Variants in ADAM12 observed in about 807,000 individuals in gnomAD.
ADAM12 encodes ADAM metallopeptidase domain 12, also known as disintegrin and metalloproteinase domain-containing protein 12.
A neutral mutation model predicts 106.4 loss-of-function variants in ADAM12; 70 were observed. That is an observed-to-expected ratio of 0.66 (90% CI 0.54 to 0.80). The LOEUF is 0.80. ADAM12 is among the 30% of genes least tolerant of loss of function. ADAM12 has a pLI of 0.00. For missense variants in ADAM12, 1,010 were observed against 1,171.9 expected (o/e 0.86, Z 2.02); for synonymous variants, 420 against 433.5 (o/e 0.97, Z 0.39).
chr10:126,269,977 C>A (rs1959167983), intron 3 of ADAM12, among the ~76,000 whole-genome samples: 1 of 152,148 alleles, frequency 6.6e-6, no homozygotes, highest in South Asian at 2.1e-4. Context: ...GTCTATACAA[C>A]TTCAAAGAAT....
intron 4 of ADAM12, among the ~76,000 whole-genome samples, chr10:126,151,614 C>A (rs1956729624): frequency 6.6e-6 from 1 of 151,956 alleles, no homozygotes; most frequent in South Asian, 2.1e-4. Context: ...CCACACCCTC[C>A]TTTAAAAAAA....
At chr10:126,139,906 CTT>C (rs761476151) in intron 4 of ADAM12, among the ~76,000 whole-genome samples, 14 of 151,528 alleles carry the variant, frequency 9.2e-5, no homozygotes, top group Non-Finnish European at 2.1e-4. Flanking sequence ...TAGATTAACT[CTT>C]AGTTGGGTAT....
intron 3 of ADAM12, among the ~76,000 whole-genome samples, chr10:126,229,014 T>C (rs1248277502): frequency 6.6e-6 from 1 of 152,176 alleles, no homozygotes; most frequent in Non-Finnish European, 1.5e-5. Context: ...CTTTTTGTGG[T>C]TCCCCTGTTT....
At chr10:126,296,884 G>A (rs1449168053) in intron 2 of ADAM12, among the ~76,000 whole-genome samples, 1 of 152,180 alleles carries the variant, frequency 6.6e-6, no homozygotes, top group Non-Finnish European at 1.5e-5. Context: ...CTTATTCTGT[G>A]AATTTTGACA....
chr10:126,363,365 T>C (rs1184503196), intron 1 of ADAM12, among the ~76,000 whole-genome samples: 1 of 152,154 alleles, frequency 6.6e-6, no homozygotes, highest in Non-Finnish European at 1.5e-5. Context: ...CATATAATTT[T>C]TACTGTCCCA....
Position 126,036,162 on chromosome 10 carries a change from G to T in ADAM12, c.2513C>A (p.Ala838Glu). ...VPARPLPAKP[A>E]LRQAQGTCKP... is the part of the protein sequence containing the mutation. ...AAAGCATACCTGGGCCTGCCTAAGT[G>T]CAGGCTTGGCTGGCAGGGGTCTGGC... Residue 838 changes from alanine (A) to glutamate (E), a missense_variant, in exon 21 of 23, where the codon GCA (alanine) becomes GAA (glutamate). Ala to Glu is a moderately radical substitution (Grantham distance 107). Coordinates refer to ENST00000448723, the MANE Select transcript of ADAM12 (RefSeq NM_001288973.2). The T allele has an allele frequency of 6.7e-7, 1 of 1,488,704 alleles. No individual in the cohort carries two copies. The allele number at this position is 1,488,704 out of a possible 1,614,324, so 92.2% of individuals were successfully genotyped here.
chr10:126,084,717 A>T (rs1955302532), intron 11 of ADAM12, among the ~76,000 whole-genome samples: 1 of 152,218 alleles, frequency 6.6e-6, no homozygotes, highest in South Asian at 2.1e-4. Flanking sequence ...AGTTACCACC[A>T]GGGCAATGTG....
chr10:126,364,960 G>A (rs549490548), intron 1 of ADAM12, among the ~76,000 whole-genome samples: 1 of 152,120 alleles, frequency 6.6e-6, no homozygotes, highest in African/African-American at 2.4e-5. Context: ...GAGTTTGAAA[G>A]GAGGAACTTA....
At chr10:126,121,131 C>CTATATATATATA (rs1554971961) in intron 5 of ADAM12, among the ~76,000 whole-genome samples, 1 of 81,384 alleles carries the variant, frequency 1.2e-5, no homozygotes, top group East Asian at 4.0e-4. Context: ...AGTATATATA[C>CTATATATATATA]TATATACTAT....
rs74946337 is a variant in ADAM12 at position 126,133,736 on chromosome 10, C to T, written c.416+1848G>A. On this transcript the variant is annotated intron_variant, in intron 5 of 22. Coordinates refer to ENST00000448723, the MANE Select transcript of ADAM12 (RefSeq NM_001288973.2). ...CCACTTCCCTTCTGACCTCATTTCT[C>T]TCTACTGCCTCCCTGTCCCTGTCCA... Among the ~76,000 whole-genome samples, 223 of 152,328 alleles carry T rather than the reference C, an allele frequency of 1.5e-3. 4 individuals carry two copies. In the East Asian group the frequency reaches 0.038, roughly 26 times the overall value.
rs577509982 is a variant in ADAM12, at chr10:126,135,948, C to G, written c.340-288G>C. Among the ~76,000 whole-genome samples, 12 of 152,336 alleles carry G rather than the reference C, an allele frequency of 7.9e-5. No homozygotes were observed. In the South Asian group the frequency reaches 2.3e-3, roughly 29 times the overall value. On this transcript the variant is annotated intron_variant, in intron 4 of 22. Transcript: ENST00000448723. ...CCTGATACAGAACGTTTTACAAAATCCAGCAGCAAAACAAATCACATTGAC... is the reference window on the plus strand; with the variant it reads ...CCTGATACAGAACGTTTTACAAAATGCAGCAGCAAAACAAATCACATTGAC...
chr10:126,113,687 A>AATAT lies in ADAM12; in HGVS notation c.604-3851_604-3848dup, dbSNP rs71309278. ...AAAAAAAAAAAAAAAAAAAAAAAAA[A>AATAT]ATATATATATATATATATATATATA... On this transcript the variant is annotated intron_variant, in intron 6 of 22. Transcript: ENST00000448723. 7.6e-3 allele frequency among the ~76,000 whole-genome samples: 183 copies of AATAT among 24,032 alleles called. 2 individuals are homozygous for AATAT. The highest frequency in any genetic ancestry group is 9.0e-3 in the Non-Finnish European group (139 of 15,382). The allele number at this position is 24,032 out of a possible 152,430, so 15.8% of individuals were successfully genotyped here.
At chr10:126,336,797 C>T (rs142842836) in intron 1 of ADAM12, among the ~76,000 whole-genome samples, 31 of 152,280 alleles carry the variant, frequency 2.0e-4, no homozygotes, top group African/African-American at 6.5e-4. Context: ...GTAGCTACCA[C>T]GCTGGCAGGC....
In ADAM12 at chr10:126,014,321, T is replaced by TTTG. The variant is rs1489371770; in HGVS notation, c.*2957_*2958insCAA. 1 of 144,978 alleles carries TTTG rather than the reference T, an allele frequency of 6.9e-6. No individual in the cohort carries two copies. Among genetic ancestry groups the TTTG allele is most frequent in the African/African-American group, 2.5e-5 (1 of 39,456 alleles). 9.0% of individuals were successfully genotyped at this position (144,978 alleles called of 1,614,324 possible). A position where few individuals can be genotyped will look rare whatever the true frequency, so the allele number is the denominator to read the frequency against. ...TGACACAGTTTTAGCCGGTTTTTTT[T>TTTG]TTTTTTTTTTTTTTTTGAGGATGCA... On this transcript the variant is annotated 3_prime_UTR_variant, in exon 23 of 23. Coordinates refer to ENST00000448723, the MANE Select transcript of ADAM12 (RefSeq NM_001288973.2).
At position 126,066,756 on chromosome 10, in the gene ADAM12, G is replaced by A. The variant is rs138673204; in HGVS notation, c.1374C>T (p.Asp458=). The part of the protein sequence containing the change: ...CNATTCTLKP[D]AVCAHGLCCE... ...AGCACAGCCCATGTGCGCACACAGC[G>A]TCCGGCTTCAGGGTACAGGTGGTGG... Residue 458 remains aspartate (D), a synonymous_variant, in exon 13 of 23, where the codon GAC becomes GAT. Transcript: ENST00000448723. This position sits in a 1 kb window ranked among gnomAD's most constrained non-coding sequence, Gnocchi z 5.1. 245 of 1,614,188 alleles carry A rather than the reference G, an allele frequency of 1.5e-4. 1 individual carries two copies. In the African/African-American group the frequency reaches 1.7e-3, roughly 11 times the overall value.
intron 3 of ADAM12, among the ~76,000 whole-genome samples, chr10:126,196,315 T>C (rs1416194002): frequency 6.6e-6 from 1 of 152,210 alleles, no homozygotes; most frequent in Non-Finnish European, 1.5e-5. Flanking sequence ...TTTCATTGCC[T>C]GGAAGAACAT....
intron 3 of ADAM12, among the ~76,000 whole-genome samples, chr10:126,231,369 A>C (rs2133623677): frequency 6.6e-6 from 1 of 150,700 alleles, no homozygotes; most frequent in East Asian, 2.0e-4. Context: ...GAAATAAGGC[A>C]ACAGAAATAG....
intron 3 of ADAM12, among the ~76,000 whole-genome samples, chr10:126,158,336 A>G (rs1956859309): frequency 6.9e-6 from 1 of 144,798 alleles, no homozygotes; most frequent in Non-Finnish European, 1.5e-5. Flanking sequence ...CATGGAGGGG[A>G]GGATGCACAG....
intron 3 of ADAM12, among the ~76,000 whole-genome samples, chr10:126,164,595 A>G (rs1956992829): frequency 6.6e-6 from 1 of 152,248 alleles, no homozygotes; most frequent in Admixed American, 6.5e-5. Flanking sequence ...CATAATTAAA[A>G]ATCATGATCA....
Sources: allele counts gnomAD v4.1 joint callset (sites outside exome capture counted in the v4.1 genomes callset), GRCh38; gene constraint gnomAD v4.1.1; non-coding constraint Gnocchi (gnomAD v3.1); transcripts MANE v1.5; gene names NCBI Gene and HGNC (gene_info 2026-07-23, HGNC 2026-07-21).